The following R3HDM1 variants were observed in gnomAD, a reference collection of about 807,000 sequenced individuals.
R3HDM1 encodes the protein R3H domain containing 1.
R3HDM1 carries 46 observed loss-of-function variants against 141.1 expected under a neutral mutation model. The ratio of observed to expected loss-of-function variants is 0.33; its 90% confidence interval spans 0.26 to 0.42. R3HDM1 has a LOEUF of 0.42. Among genes scored for constraint, R3HDM1 ranks in the 10% least tolerant of loss-of-function variants. The pLI is 1.00. For synonymous variants in R3HDM1, 435 were observed against 472.9 expected, an observed-to-expected ratio of 0.92 and a Z score of 1.04; for missense variants, 1,184 against 1,368.3, an observed-to-expected ratio of 0.87 and a Z score of 2.12.
intron 21 of R3HDM1, among the ~76,000 whole-genome samples, chr2:135,705,200 T>C (rs2074746191): frequency 6.6e-6 from 1 of 152,208 alleles, no homozygotes; most frequent in Admixed American, 6.5e-5. Context: ...TTGAATTATT[T>C]GGCCAAATCT....
intron 1 of R3HDM1, among the ~76,000 whole-genome samples, chr2:135,552,651 A>T (rs1573707540): frequency 6.6e-6 from 1 of 152,092 alleles, no homozygotes; most frequent in Admixed American, 6.6e-5. Context: ...ATTGTATATT[A>T]ATTAAGGGAG....
chr2:135,584,293 T>A (rs926795893), intron 1 of R3HDM1: 7 of 732,996 alleles, frequency 9.5e-6, no homozygotes, highest in Non-Finnish European at 1.2e-5. Context: ...GTGCCACTGC[T>A]CTCCAGCCTG....
chr2:135,723,569 C>T (rs554654476), intron 26 of R3HDM1, among the ~76,000 whole-genome samples: 2 of 150,854 alleles, frequency 1.3e-5, no homozygotes, highest in South Asian at 4.2e-4. Flanking sequence ...CTCAGGAGTT[C>T]GAGACCAGCC....
At chr2:135,707,891 T>C (rs1005476382) in intron 21 of R3HDM1, among the ~76,000 whole-genome samples, 1 of 152,232 alleles carries the variant, frequency 6.6e-6, no homozygotes, top group Admixed American at 6.5e-5. Flanking sequence ...ATATCTCTTT[T>C]TCCCTTTTAT....
chr2:135,561,347 C>T (rs1479989104), intron 1 of R3HDM1: 2 of 980,036 alleles, frequency 2.0e-6, no homozygotes, highest in African/African-American at 3.5e-5. Context: ...TTTTCATTAT[C>T]CAAAGATAGT....
intron 21 of R3HDM1, among the ~76,000 whole-genome samples, chr2:135,697,343 C>T (rs551254255): frequency 9.9e-5 from 15 of 152,204 alleles, no homozygotes; most frequent in African/African-American, 3.6e-4. Flanking sequence ...TTTTTAACTC[C>T]TAAGTGACCA....
At chr2:135,596,818 G>T (rs889394266) in intron 1 of R3HDM1, among the ~76,000 whole-genome samples, 1 of 152,042 alleles carries the variant, frequency 6.6e-6, no homozygotes, top group African/African-American at 2.4e-5. Flanking sequence ...ACAACATTTG[G>T]TCTTTCCCAT....
chr2:135,579,585 T>A (rs1706276536), intron 1 of R3HDM1, among the ~76,000 whole-genome samples: 1 of 111,666 alleles, frequency 9.0e-6, no homozygotes. Flanking sequence ...AAATGGTAAC[T>A]ATGGGGTGGC....
chr2:135,598,980 TA>T (rs2059408420), intron 1 of R3HDM1, among the ~76,000 whole-genome samples: 1 of 152,220 alleles, frequency 6.6e-6, no homozygotes, highest in South Asian at 2.1e-4. Context: ...CTAAGTTTTA[TA>T]ACTATTTACC....
At chr2:135,591,580 T>C (rs997771172) in intron 1 of R3HDM1, among the ~76,000 whole-genome samples, 1 of 152,218 alleles carries the variant, frequency 6.6e-6, no homozygotes, top group Non-Finnish European at 1.5e-5. Context: ...TATCATGCTA[T>C]GAACAAAGCA....
chr2:135,548,192 C>T (rs1047631165), intron 1 of R3HDM1, among the ~76,000 whole-genome samples: 1 of 152,100 alleles, frequency 6.6e-6, no homozygotes, highest in East Asian at 1.9e-4. Flanking sequence ...TGTTAAGAGA[C>T]CTGTTGCCAA....
intron 21 of R3HDM1, among the ~76,000 whole-genome samples, chr2:135,693,517 A>T (rs1310791565): frequency 6.6e-6 from 1 of 152,220 alleles, no homozygotes; most frequent in African/African-American, 2.4e-5. Flanking sequence ...TAAAGGGAAT[A>T]AAAAACACTG....
chr2:135,551,642 A>G (rs529107943), intron 1 of R3HDM1, among the ~76,000 whole-genome samples: 2 of 152,250 alleles, frequency 1.3e-5, no homozygotes, highest in Non-Finnish European at 1.5e-5. Context: ...CACATTAGTG[A>G]AGTAGTATAT....
At chr2:135,646,293 G>A (rs754386571) in intron 16 of R3HDM1, among the ~76,000 whole-genome samples, 2 of 151,340 alleles carry the variant, frequency 1.3e-5, no homozygotes, top group East Asian at 2.0e-4. Flanking sequence ...CCGCCACCAC[G>A]CCCGGCAAAT....
intron 21 of R3HDM1, among the ~76,000 whole-genome samples, chr2:135,683,314 G>A (rs888984247): frequency 6.6e-6 from 1 of 152,110 alleles, no homozygotes; most frequent in Non-Finnish European, 1.5e-5. Flanking sequence ...AGCACTTTGG[G>A]AGGCCAAGGC....
At chr2:135,569,345 T>C (rs1456569479) in intron 1 of R3HDM1, among the ~76,000 whole-genome samples, 1 of 151,898 alleles carries the variant, frequency 6.6e-6, no homozygotes, top group Non-Finnish European at 1.5e-5. Context: ...TAGCCAGGCA[T>C]GGTGGCGCAC....
intron 1 of R3HDM1, among the ~76,000 whole-genome samples, chr2:135,562,493 G>T (rs986503859): frequency 2.6e-5 from 4 of 152,070 alleles, no homozygotes; most frequent in African/African-American, 9.7e-5. Flanking sequence ...TAGTAATCTA[G>T]ATTATAATTT....
intron 21 of R3HDM1, among the ~76,000 whole-genome samples, chr2:135,701,526 G>A (rs769728758): frequency 6.6e-5 from 10 of 152,134 alleles, no homozygotes; most frequent in Non-Finnish European, 1.5e-4. Flanking sequence ...GATTGTAGGC[G>A]TTGTGACATA....
At chr2:135,584,221 G>A (rs577516474) in intron 1 of R3HDM1, 29 of 511,606 alleles carry the variant, frequency 5.7e-5, no homozygotes, top group South Asian at 4.2e-4. Flanking sequence ...CCAGCTACTC[G>A]GGAGGCTGAA....
Sources: allele counts gnomAD v4.1 joint callset (sites outside exome capture counted in the v4.1 genomes callset), GRCh38; gene constraint gnomAD v4.1.1; transcripts MANE v1.5; gene names NCBI Gene and HGNC (gene_info 2026-07-23, HGNC 2026-07-21).